Variants in RAB14 observed in about 807,000 individuals in gnomAD.
RAB14 encodes the protein RAB14, member RAS oncogene family.
In RAB14, 3 loss-of-function variants were observed where a neutral mutation model predicts 31.1. The ratio of observed to expected loss-of-function variants is 0.10; its 90% CI spans 0.04 to 0.25. RAB14 has a LOEUF of 0.25. RAB14 is among the 10% of genes least tolerant of loss of function. RAB14 has a pLI of 1.00. For missense variants in RAB14, 111 were observed against 260.1 expected (o/e 0.43, Z 3.94); for synonymous variants, 85 against 84.9 (o/e 1.00, Z 0.00).
chr9:121,192,307 A>G (rs1159167668), intron 2 of RAB14, 83 bp from the exon 3 acceptor site: 6 of 976,438 alleles, frequency 6.1e-6, no homozygotes, highest in Admixed American at 5.4e-5. Context: ...ACCATATAAC[A>G]TATCACAAGT....
chr9:121,187,023 C>T lies in RAB14; in HGVS notation c.285-4G>A, dbSNP rs777710614. 6.5e-7 allele frequency: 1 copy of T among 1,531,606 alleles called. No homozygotes were observed. The highest frequency in any genetic ancestry group is 8.8e-7 in the Non-Finnish European group (1 of 1,140,932). The allele number at this position is 1,531,606 out of a possible 1,614,324, so 94.9% of individuals were successfully genotyped here. On this transcript the variant is annotated splice_polypyrimidine_tract_variant and splice_region_variant and intron_variant, in intron 4 of 7. Transcript: ENST00000373840. ...TAAGTGGTTATATGTACTTCTTCTG[C>T]AAAAATAAAAGTTTAAATTTGTGAC...
intron 3 of RAB14, among the ~76,000 whole-genome samples, chr9:121,191,582 T>C (rs1464976297): frequency 6.6e-6 from 1 of 152,178 alleles, no homozygotes; most frequent in Non-Finnish European, 1.5e-5. Flanking sequence ...CCTTTCCTTA[T>C]AATGAGGCCA....
chr9:121,194,271 A>ATTCAGTCC (rs1390700742), intron 1 of RAB14, among the ~76,000 whole-genome samples: 6 of 152,038 alleles, frequency 3.9e-5, no homozygotes, highest in Non-Finnish European at 8.8e-5. Context: ...TGCTTCCCAT[A>ATTCAGTCC]CACTATTCTA....
At chr9:121,187,744 C>T (rs1215417772) in intron 4 of RAB14, among the ~76,000 whole-genome samples, 3 of 151,936 alleles carry the variant, frequency 2.0e-5, no homozygotes, top group Admixed American at 2.0e-4. Context: ...TAAACAAACC[C>T]AAATATTTGT....
chr9:121,199,241 T>C (rs78951914), intron 1 of RAB14, among the ~76,000 whole-genome samples: 3,017 of 152,310 alleles, frequency 0.02, 100 homozygotes, highest in African/African-American at 0.069. Context: ...GAGGCAAGTG[T>C]ATATTGATGA....
chr9:121,181,361 G>A lies in RAB14; in HGVS notation c.*35C>T. ...AGTACTGCTTCCAACAGACAGAGGT[G>A]AAAGGTCAAATGAGGGGCCACAGCA... is the stretch of plus-strand genomic sequence containing the variant. On this transcript the variant is annotated 3_prime_UTR_variant, in exon 8 of 8. Transcript: ENST00000373840. 6.5e-7 allele frequency: 1 copy of A among 1,536,312 alleles called. No homozygotes were observed. The highest frequency in any genetic ancestry group is 8.9e-7 in the Non-Finnish European group (1 of 1,128,496).
intron 6 of RAB14, 120 bp from the exon 7 acceptor site, chr9:121,183,080 G>T: frequency 1.0e-6 from 1 of 973,374 alleles, no homozygotes; most frequent in South Asian, 1.6e-5. Flanking sequence ...AGTATTTTAT[G>T]AAAAAGTATG....
Position 121,185,108 on chromosome 9 carries a change from T to G in RAB14, c.352-1710A>C, listed in dbSNP as rs534140167. Among the ~76,000 whole-genome samples the G allele has an allele frequency of 5.9e-5, 9 of 152,294 alleles. No individual in the cohort carries two copies. The South Asian group carries it at 1.7e-3, about 28-fold the overall frequency. On this transcript the variant is annotated intron_variant, in intron 5 of 7. Transcript: ENST00000373840. The stretch of plus-strand genomic sequence containing the variant: ...CACTTAAGAAAAACTCAAGAAATTT[T>G]TTTTCTCCTGATCTGGTTCTATTTC...
At chr9:121,192,086 A>C in intron 3 of RAB14, 85 bp downstream of exon 3, 1 of 1,016,908 alleles carries the variant, frequency 9.8e-7, no homozygotes, top group Non-Finnish European at 1.5e-6. Context: ...AAATGCATGA[A>C]GTATACTGAA....
At chr9:121,183,281 T>C (rs749065315) in intron 6 of RAB14, 30 bp downstream of exon 6, 2 of 1,539,884 alleles carry the variant, frequency 1.3e-6, no homozygotes, top group Non-Finnish European at 1.8e-6. Context: ...ATTCTCCCAA[T>C]TGTGACCATT....
In RAB14 at chr9:121,190,860, C is replaced by T. The variant is rs537734605; in HGVS notation, c.107-129G>A. Reference sequence around the variant, plus strand: ...CAGGCTATAAATAGACTAAAGCTACCGCTAAAAAAAAAATTAACAAACACC... The same window carrying T: ...CAGGCTATAAATAGACTAAAGCTACTGCTAAAAAAAAAATTAACAAACACC... On this transcript the variant is annotated intron_variant, in intron 3 of 7. Transcript: ENST00000373840. The T allele has an allele frequency of 8.2e-5, 69 of 841,654 alleles. No homozygotes were observed. The African/African-American group carries it at 1.0e-3, about 12-fold the overall frequency. 52.1% of individuals were successfully genotyped at this position (841,654 alleles called of 1,614,324 possible).
intron 7 of RAB14, among the ~76,000 whole-genome samples, 171 bp from the exon 8 acceptor site, chr9:121,181,744 C>CCT (rs1175575277): frequency 9.7e-6 from 1 of 102,900 alleles, no homozygotes; most frequent in Non-Finnish European, 2.0e-5. Context: ...AACTATTTTC[C>CCT]TTTTTTTTTT....
Position 121,178,807 on chromosome 9 carries a change from A to G in RAB14, c.*2589T>C, listed in dbSNP as rs2057469. On this transcript the variant is annotated 3_prime_UTR_variant, in exon 8 of 8. Coordinates refer to ENST00000373840, the MANE Select transcript of RAB14 (RefSeq NM_016322.4). ...TACTAAGCACCAATTACTAATCTGA[A>G]GGCCTCCTCACAGGTCCAAGGGCAA... The G allele has an allele frequency of 0.68, 102,980 of 152,126 alleles. 35,614 individuals carry two copies. Among genetic ancestry groups the G allele is most frequent in the East Asian group, 0.96 (4,965 of 5,188 alleles). The allele number at this position is 152,126 out of a possible 1,614,324, so 9.4% of individuals were successfully genotyped here.
intron 1 of RAB14, among the ~76,000 whole-genome samples, chr9:121,196,079 G>A (rs1372429253): frequency 6.6e-6 from 1 of 151,764 alleles, no homozygotes; most frequent in Non-Finnish European, 1.5e-5. Context: ...CAGTACTTTT[G>A]CTTTACTTAG....
At position 121,181,320 on chromosome 9, in the gene RAB14, CAAT is replaced by C; in HGVS notation, c.*73_*75del. 1 of 1,367,986 alleles carries C rather than the reference CAAT, an allele frequency of 7.3e-7. No individual in the cohort carries two copies. Among genetic ancestry groups the C allele is most frequent in the Non-Finnish European group, 9.8e-7 (1 of 1,017,156 alleles). 84.7% of individuals were successfully genotyped at this position (1,367,986 alleles called of 1,614,324 possible). On this transcript the variant is annotated 3_prime_UTR_variant, in exon 8 of 8. Coordinates refer to ENST00000373840, the MANE Select transcript of RAB14 (RefSeq NM_016322.4). ...TAAACCCAGTAAGATGTACAGAAGA[CAAT>C]GAGGCAGTAAAAAGTACTGCTTCCA...
chr9:121,186,917 T>A, intron 5 of RAB14, 36 bp downstream of exon 5: 1 of 1,452,422 alleles, frequency 6.9e-7, no homozygotes, highest in Non-Finnish European at 9.2e-7. Context: ...GCTTAGTTCT[T>A]AAATTTTCTG....
At chr9:121,183,594 G>A (rs941411492) in intron 5 of RAB14, among the ~76,000 whole-genome samples, 196 bp from the exon 6 acceptor site, 1 of 152,176 alleles carries the variant, frequency 6.6e-6, no homozygotes, top group Admixed American at 6.5e-5. Context: ...CAATGATCTA[G>A]GTCAGGGGTT....
rs2053615357 is a variant in RAB14 at position 121,178,895 on chromosome 9, A to AT, written c.*2500dup. Reference sequence around the variant, plus strand: ...AAGCTATGGATTAAAAATTAAAAGGATTTCACATTCTTTCCAAAGTGTACT... The same window carrying AT: ...AAGCTATGGATTAAAAATTAAAAGGATTTTCACATTCTTTCCAAAGTGTACT... On this transcript the variant is annotated 3_prime_UTR_variant, in exon 8 of 8. Coordinates refer to ENST00000373840, the MANE Select transcript of RAB14 (RefSeq NM_016322.4). The AT allele has an allele frequency of 6.6e-6, 1 of 152,222 alleles. No homozygotes were observed. The highest frequency in any genetic ancestry group is 6.5e-5 in the Admixed American group (1 of 15,286). The allele number at this position is 152,222 out of a possible 1,614,324, so 9.4% of individuals were successfully genotyped here.
chr9:121,193,558 C>T, intron 1 of RAB14, 139 bp from the exon 2 acceptor site: 1 of 600,442 alleles, frequency 1.7e-6, no homozygotes, highest in Non-Finnish European at 3.0e-6. Flanking sequence ...AATAAAACTG[C>T]ATTTCACAAA....
Sources: gnomAD v4.1 joint callset for allele counts (sites outside exome capture counted in the v4.1 genomes callset) on GRCh38, gnomAD v4.1.1 for gene constraint, MANE v1.5 for transcripts, NCBI Gene and HGNC (gene_info 2026-07-23, HGNC 2026-07-21) for gene names.